NUBPL: variants seen among roughly 807,000 people sequenced by gnomAD.
NUBPL encodes NUBP iron-sulfur cluster assembly factor, mitochondrial, also known as iron-sulfur cluster transfer protein NUBPL.
Under a neutral mutation model 45.7 loss-of-function variants are expected in NUBPL, and 31 were observed. The observed-to-expected ratio is 0.68, with a 90% CI of 0.51 to 0.92. The LOEUF is 0.92. Among genes scored for constraint, NUBPL ranks in the 40% least tolerant of loss-of-function variants. The probability of loss-of-function intolerance (pLI) is 0.00; values close to 1 mark genes in which losing one functional copy is unlikely to be tolerated. For synonymous variants in NUBPL, 144 were observed against 140.9 expected (o/e 1.02, Z -0.15); for missense variants, 401 against 398.7 (o/e 1.01, Z -0.05).
chr14:31,732,754 GGT>G (rs2038080270), intron 6 of NUBPL, among the ~76,000 whole-genome samples: 1 of 151,902 alleles, frequency 6.6e-6, no homozygotes, highest in Non-Finnish European at 1.5e-5. Flanking sequence ...TGGGACTACA[GGT>G]GTGCGCCACC....
At chr14:31,597,312 A>T (rs1469865754) in intron 3 of NUBPL, among the ~76,000 whole-genome samples, 1 of 152,192 alleles carries the variant, frequency 6.6e-6, no homozygotes, top group African/African-American at 2.4e-5. Flanking sequence ...TAATTTTTAC[A>T]TAACGTTTAT....
chr14:31,598,203 A>G (rs1019598525), intron 3 of NUBPL, among the ~76,000 whole-genome samples: 6 of 152,212 alleles, frequency 3.9e-5, no homozygotes, highest in Admixed American at 2.0e-4. Flanking sequence ...TAGTCAGTAT[A>G]AAGTTGGAAA....
intron 8 of NUBPL, among the ~76,000 whole-genome samples, chr14:31,828,584 G>C (rs1367498075): frequency 1.3e-5 from 2 of 152,086 alleles, no homozygotes; most frequent in Admixed American, 6.6e-5. Flanking sequence ...GCAGGAGTAA[G>C]ACCTTTTTAA....
At chr14:31,713,664 TTTC>T (rs934326686) in intron 6 of NUBPL, among the ~76,000 whole-genome samples, 13 of 152,258 alleles carry the variant, frequency 8.5e-5, no homozygotes, top group African/African-American at 3.1e-4. Flanking sequence ...GTAGGAAATT[TTTC>T]TTCTATTTTT....
chr14:31,842,166 T>C (rs1337856498), intron 8 of NUBPL, among the ~76,000 whole-genome samples: 1 of 151,788 alleles, frequency 6.6e-6, no homozygotes, highest in African/African-American at 2.4e-5. Context: ...GACCTCATGA[T>C]CCGCCCGTCT....
chr14:31,842,524 G>A (rs2040393330), intron 8 of NUBPL, among the ~76,000 whole-genome samples: 2 of 152,006 alleles, frequency 1.3e-5, no homozygotes, highest in African/African-American at 4.8e-5. Flanking sequence ...CACCCAGGCT[G>A]GAGTACAGTG....
At chr14:31,825,107 G>A (rs1301648894) in intron 7 of NUBPL, among the ~76,000 whole-genome samples, 2 of 152,118 alleles carry the variant, frequency 1.3e-5, no homozygotes, top group Non-Finnish European at 2.9e-5. Context: ...ATCCACTTCA[G>A]TTCAGGCCTC....
At chr14:31,691,257 C>A (rs142601694) in intron 6 of NUBPL, among the ~76,000 whole-genome samples, 2 of 152,314 alleles carry the variant, frequency 1.3e-5, no homozygotes, top group East Asian at 3.9e-4. Flanking sequence ...TGATCCACTT[C>A]CACTTAATGA....
intron 10 of NUBPL, among the ~76,000 whole-genome samples, chr14:31,852,362 C>T (rs1030482837): frequency 4.6e-5 from 7 of 152,192 alleles, no homozygotes; most frequent in African/African-American, 1.7e-4. Context: ...GTAAATATCA[C>T]TCTTTGATGT....
At chr14:31,761,818 T>C (rs1029818013) in intron 6 of NUBPL, among the ~76,000 whole-genome samples, 1 of 152,200 alleles carries the variant, frequency 6.6e-6, no homozygotes, top group Non-Finnish European at 1.5e-5. Context: ...TCAGAATCCT[T>C]GTGTATGGGA....
rs1035567360 is a variant in NUBPL, at chr14:31,655,130, T to C, written c.383-18225T>C. Among the ~76,000 whole-genome samples the C allele has an allele frequency of 5.9e-5, 9 of 152,228 alleles. No individual in the cohort carries two copies. The South Asian group carries it at 6.2e-4, about 11-fold the overall frequency. On this transcript the variant is annotated intron_variant, in intron 4 of 10. Coordinates refer to ENST00000281081, the MANE Select transcript of NUBPL (RefSeq NM_025152.3). ...CTAACTCCTGTTCATTTTGATACTT[T>C]GATCCCCTCCAATGAATCATGAATG...
At chr14:31,733,222 A>C (rs973383852) in intron 6 of NUBPL, among the ~76,000 whole-genome samples, 2 of 152,152 alleles carry the variant, frequency 1.3e-5, no homozygotes, top group Admixed American at 1.3e-4. Context: ...CCTCGTATGG[A>C]GTGGCTGCTT....
intron 6 of NUBPL, among the ~76,000 whole-genome samples, chr14:31,760,039 T>C (rs2038764761): frequency 6.6e-6 from 1 of 151,614 alleles, no homozygotes; most frequent in African/African-American, 2.4e-5. Flanking sequence ...CTATACAGTA[T>C]ATTGTTATTA....
chr14:31,682,055 C>T (rs887605672), intron 6 of NUBPL, among the ~76,000 whole-genome samples: 1 of 152,094 alleles, frequency 6.6e-6, no homozygotes, highest in African/African-American at 2.4e-5. Flanking sequence ...GGTTGGTTGA[C>T]AGAGTTCACA....
intron 4 of NUBPL, among the ~76,000 whole-genome samples, chr14:31,631,341 A>G (rs531897547): frequency 1.5e-4 from 23 of 151,404 alleles, no homozygotes; most frequent in Admixed American, 3.9e-4. Context: ...TTTTCCCTCT[A>G]TGTATTCTCT....
chr14:31,576,502 C>T (rs2033721158), intron 3 of NUBPL, among the ~76,000 whole-genome samples: 1 of 152,224 alleles, frequency 6.6e-6, no homozygotes, highest in Admixed American at 6.5e-5. Flanking sequence ...CTTAAGTCGT[C>T]TTCCTCCTTT....
chr14:31,772,447 G>A (rs1447796500), intron 6 of NUBPL, among the ~76,000 whole-genome samples: 1 of 152,182 alleles, frequency 6.6e-6, no homozygotes, highest in Admixed American at 6.5e-5. Context: ...GGACTTTAGA[G>A]AACTTAGAGA....
intron 6 of NUBPL, among the ~76,000 whole-genome samples, chr14:31,754,108 G>A (rs1358154224): frequency 5.3e-5 from 8 of 152,102 alleles, no homozygotes; most frequent in Non-Finnish European, 7.4e-5. Flanking sequence ...TGTTGGGCAC[G>A]TCTAGTCCAC....
intron 6 of NUBPL, among the ~76,000 whole-genome samples, chr14:31,762,349 A>C (rs530746593): frequency 6.6e-6 from 1 of 152,178 alleles, no homozygotes; most frequent in Non-Finnish European, 1.5e-5. Flanking sequence ...AAAGCTTAGG[A>C]TGAGTAGTTT....
Sources: gnomAD v4.1 joint callset for allele counts (sites outside exome capture counted in the v4.1 genomes callset) on GRCh38, gnomAD v4.1.1 for gene constraint, MANE v1.5 for transcripts, NCBI Gene and HGNC (gene_info 2026-07-23, HGNC 2026-07-21) for gene names.